Variants in BANK1 observed in about 807,000 individuals in gnomAD.
BANK1 encodes B-cell scaffold protein with ankyrin repeats.
Under a neutral mutation model 94.5 loss-of-function variants are expected in BANK1, and 95 were observed. That is an observed-to-expected ratio of 1.00 (90% CI 0.85 to 1.19). BANK1 has a LOEUF of 1.19. Ranked by LOEUF, BANK1 falls within the 50% of genes most tolerant of loss-of-function variation. The probability of loss-of-function intolerance (pLI) is 0.00; values close to 1 mark genes in which losing one functional copy is unlikely to be tolerated. For missense variants in BANK1, 987 were observed against 932.2 expected, an observed-to-expected ratio of 1.06 and a Z score of -0.77; for synonymous variants, 334 against 308.4, an observed-to-expected ratio of 1.08 and a Z score of -0.87.
chr4:101,893,582 T>A lies in BANK1; in HGVS notation c.904-1723T>A, dbSNP rs78861255. ...GTTTGTATCACTAAAACACTTTTTTTAGCTTTAGTATAAAGTGTCAACATA... is the reference window on the plus strand; with the variant it reads ...GTTTGTATCACTAAAACACTTTTTTAAGCTTTAGTATAAAGTGTCAACATA... On this transcript the variant is annotated intron_variant, in intron 5 of 16. Transcript: ENST00000322953. 6.6e-3 allele frequency among the ~76,000 whole-genome samples: 998 copies of A among 152,192 alleles called. 11 individuals carry two copies. The highest frequency in any genetic ancestry group is 0.023 in the African/African-American group (953 of 41,564).
chr4:102,016,467 G>C (rs1296768580), intron 7 of BANK1, among the ~76,000 whole-genome samples: 3 of 152,046 alleles, frequency 2.0e-5, no homozygotes, highest in Non-Finnish European at 4.4e-5. Flanking sequence ...AAGCAAAATT[G>C]TCCTATACCC....
At position 101,824,993 on chromosome 4, in the gene BANK1, A is replaced by G. The variant is rs151082619; in HGVS notation, c.71-4815A>G. ...AAACATTTGTTATAGTGTATTTAAG[A>G]CAAATAAGGCATTATTGAATCTGAA... On this transcript the variant is annotated intron_variant, in intron 1 of 16. Transcript: ENST00000322953. Among the ~76,000 whole-genome samples, 728 of 152,282 alleles carry G rather than the reference A, an allele frequency of 4.8e-3. 10 individuals are homozygous for G. The highest frequency in any genetic ancestry group is 0.017 in the African/African-American group (691 of 41,568).
chr4:101,858,407 T>A (rs1358036915), intron 3 of BANK1, among the ~76,000 whole-genome samples: 6 of 152,224 alleles, frequency 3.9e-5, no homozygotes, highest in Admixed American at 3.9e-4. Context: ...TAGTCACAGA[T>A]TCAGAAATGA....
intron 7 of BANK1, among the ~76,000 whole-genome samples, chr4:101,995,601 G>A (rs2148933938): frequency 6.6e-6 from 1 of 152,196 alleles, no homozygotes; most frequent in Admixed American, 6.6e-5. Context: ...ATCCTCTCCA[G>A]CATCGTTGTT....
At chr4:102,010,097 C>T (rs1453203946) in intron 7 of BANK1, among the ~76,000 whole-genome samples, 1 of 131,866 alleles carries the variant, frequency 7.6e-6, no homozygotes, top group African/African-American at 2.5e-5. Context: ...AAACCCGTCT[C>T]TACTAAAAAT....
intron 11 of BANK1, among the ~76,000 whole-genome samples, chr4:102,051,139 A>T (rs1728033014): frequency 6.6e-6 from 1 of 152,202 alleles, no homozygotes; most frequent in African/African-American, 2.4e-5. Flanking sequence ...ACCTGGAGAA[A>T]TGGGGAAGAT....
At chr4:101,815,903 T>C (rs1029492020) in intron 1 of BANK1, among the ~76,000 whole-genome samples, 1 of 152,168 alleles carries the variant, frequency 6.6e-6, no homozygotes, top group Non-Finnish European at 1.5e-5. Flanking sequence ...ATTACAAGTA[T>C]TTAAAATTAG....
chr4:101,813,193 A>G (rs554584639), intron 1 of BANK1, among the ~76,000 whole-genome samples: 1 of 152,280 alleles, frequency 6.6e-6, no homozygotes, highest in South Asian at 2.1e-4. Context: ...TTGTCCGTAA[A>G]TAGATGATTT....
chr4:101,827,103 A>G (rs1726394955), intron 1 of BANK1, among the ~76,000 whole-genome samples: 2 of 151,834 alleles, frequency 1.3e-5, no homozygotes, highest in Non-Finnish European at 3.0e-5. Flanking sequence ...GTAAAATAAT[A>G]TAAGTTTATT....
intron 7 of BANK1, among the ~76,000 whole-genome samples, chr4:101,983,425 C>T (rs1725384023): frequency 6.6e-6 from 1 of 152,044 alleles, no homozygotes; most frequent in Admixed American, 6.6e-5. Flanking sequence ...TATTAAAGTT[C>T]TGCTCCTTAA....
chr4:102,037,081 G>A (rs1021288385), intron 10 of BANK1, among the ~76,000 whole-genome samples: 1 of 152,180 alleles, frequency 6.6e-6, no homozygotes, highest in Non-Finnish European at 1.5e-5. Flanking sequence ...TTTGTTAAAA[G>A]CATCTGTAGG....
intron 13 of BANK1, among the ~76,000 whole-genome samples, chr4:102,066,935 A>T (rs1728614315): frequency 6.6e-6 from 1 of 152,194 alleles, no homozygotes; most frequent in Non-Finnish European, 1.5e-5. Flanking sequence ...GTGGAGGCAG[A>T]TAAATAGAAT....
chr4:102,004,273 A>G (rs1033192711), intron 7 of BANK1, among the ~76,000 whole-genome samples: 1 of 152,148 alleles, frequency 6.6e-6, no homozygotes, highest in Admixed American at 6.5e-5. Context: ...ACAACCTATA[A>G]TATCTAGGAC....
Position 102,073,672 on chromosome 4 carries a change from A to G in BANK1, c.2299-12A>G, listed in dbSNP as rs552779521. On this transcript the variant is annotated splice_polypyrimidine_tract_variant and intron_variant, in intron 15 of 16. Transcript: ENST00000322953. ...CGAGAAATACTAGCTCTATATCTTT[A>G]TTTTTTTTCAGCTTCCTGCTCGACC... The G allele has an allele frequency of 1.2e-6, 2 of 1,606,606 alleles. No homozygotes were observed. Among genetic ancestry groups the G allele is most frequent in the Non-Finnish European group, 1.7e-6 (2 of 1,175,546 alleles).
At chr4:101,853,576 A>G (rs1473564738) in intron 2 of BANK1, among the ~76,000 whole-genome samples, 4 of 152,078 alleles carry the variant, frequency 2.6e-5, no homozygotes, top group Non-Finnish European at 2.9e-5. Flanking sequence ...GAAGATTTAG[A>G]CTTGTGTTCA....
At position 101,996,167 on chromosome 4, in the gene BANK1, C is replaced by A. The variant is rs1383637900; in HGVS notation, c.1207-25347C>A. 5.9e-5 allele frequency among the ~76,000 whole-genome samples: 9 copies of A among 152,266 alleles called. No individual in the cohort carries two copies. The South Asian group carries it at 1.9e-3, about 32-fold the overall frequency. On this transcript the variant is annotated intron_variant, in intron 7 of 16. Transcript: ENST00000322953. ...ATATGGCTAGCCAGTTTTCCCAACA[C>A]CATTTATTAAATAGGGAATCCTTTC...
chr4:101,815,299 C>A (rs13136297), intron 1 of BANK1, among the ~76,000 whole-genome samples: 1 of 151,776 alleles, frequency 6.6e-6, no homozygotes, highest in African/African-American at 2.4e-5. Flanking sequence ...CTGAATCCTG[C>A]CCCTCCAGGG....
intron 2 of BANK1, among the ~76,000 whole-genome samples, chr4:101,834,992 A>G (rs573099275): frequency 3.1e-4 from 47 of 152,298 alleles, no homozygotes; most frequent in African/African-American, 1.1e-3. Context: ...AAAGGAATTA[A>G]GAAAACCAAA....
chr4:101,954,620 A>G (rs1578418740), intron 7 of BANK1, among the ~76,000 whole-genome samples: 1 of 152,292 alleles, frequency 6.6e-6, no homozygotes, highest in East Asian at 1.9e-4. Context: ...AAAATGTACC[A>G]AGATAATAGT....
Sources: gnomAD v4.1 joint callset for allele counts (sites outside exome capture counted in the v4.1 genomes callset) on GRCh38, gnomAD v4.1.1 for gene constraint, MANE v1.5 for transcripts, NCBI Gene and HGNC (gene_info 2026-07-23, HGNC 2026-07-21) for gene names.